Variants in EML5 observed in about 807,000 individuals in gnomAD.
The protein encoded by EML5 is echinoderm microtubule-associated protein-like 5.
EML5 carries 120 observed loss-of-function variants against 250.0 expected under a neutral mutation model. The ratio of observed to expected loss-of-function variants is 0.48; its 90% CI spans 0.41 to 0.56. The LOEUF (loss-of-function observed/expected upper bound fraction) is 0.56. Ranked by LOEUF, EML5 falls within the 20% of genes least tolerant of loss-of-function variation. EML5 has a pLI of 0.00. For missense variants in EML5, 2,006 were observed against 2,437.6 expected (o/e 0.82, Z 3.73); for synonymous variants, 771 against 806.5 (o/e 0.96, Z 0.75).
At chr14:88,752,433 A>C (rs1470919290) in intron 2 of EML5, among the ~76,000 whole-genome samples, 1 of 152,232 alleles carries the variant, frequency 6.6e-6, no homozygotes, top group African/African-American at 2.4e-5. Flanking sequence ...AAATTCTGAC[A>C]GAACATTAAG....
intron 4 of EML5, among the ~76,000 whole-genome samples, chr14:88,742,392 G>T (rs1350875381): frequency 6.6e-6 from 1 of 151,958 alleles, no homozygotes; most frequent in Non-Finnish European, 1.5e-5. Flanking sequence ...TGTATGGTTG[G>T]ACAGTGCAGT....
In EML5 at chr14:88,618,858, T is replaced by C. The variant is rs530416772; in HGVS notation, c.5376-46A>G. 1.1e-5 allele frequency: 16 copies of C among 1,502,326 alleles called. No individual in the cohort carries two copies. In the African/African-American group the frequency reaches 2.1e-4, roughly 20 times the overall value. 93.1% of individuals were successfully genotyped at this position (1,502,326 alleles called of 1,614,324 possible). On this transcript the variant is annotated intron_variant, in intron 39 of 43. Transcript: ENST00000554922. ...AAAAGTATTAGACCACATGAAGTAT[T>C]ATAAATACTTAAGATCAGTGACTTT...
At chr14:88,663,322 G>T (rs757939159) in intron 23 of EML5, among the ~76,000 whole-genome samples, 15 of 152,036 alleles carry the variant, frequency 9.9e-5, no homozygotes, top group South Asian at 8.3e-4. Context: ...TTTGATTTTT[G>T]TATATGTATA....
In EML5 at chr14:88,746,182, T is replaced by C. The variant is rs1213522058; in HGVS notation, c.456+3A>G. ...ATTAGAAATCTCAAAAGAGAATACT[T>C]ACTCTATCTGTATGACCAGGAGCCA... is the stretch of plus-strand genomic sequence containing the variant. On this transcript the variant is annotated splice_donor_region_variant and intron_variant, in intron 3 of 43. Coordinates refer to ENST00000554922, the MANE Select transcript of EML5 (RefSeq NM_183387.3). 2 of 1,608,420 alleles carry C rather than the reference T, an allele frequency of 1.2e-6. No homozygotes were observed. The highest frequency in any genetic ancestry group is 3.3e-5 in the Admixed American group (2 of 59,782).
intron 8 of EML5, among the ~76,000 whole-genome samples, chr14:88,721,541 T>C (rs2093589447): frequency 6.6e-6 from 1 of 152,150 alleles, no homozygotes; most frequent in African/African-American, 2.4e-5. Context: ...CAATAAATGG[T>C]GCTGGGAAAA....
chr14:88,626,721 G>A (rs17798544), intron 35 of EML5, 117 bp downstream of exon 35: 17,742 of 983,942 alleles, frequency 0.018, 265 homozygotes, highest in South Asian at 0.055. Flanking sequence ...CTTGACCAGG[G>A]CATGTAATGA....
At chr14:88,651,258 A>T (rs1214025240) in intron 27 of EML5, among the ~76,000 whole-genome samples, 1 of 151,266 alleles carries the variant, frequency 6.6e-6, no homozygotes, top group Non-Finnish European at 1.5e-5. Flanking sequence ...TCATTTTCAA[A>T]ATATTTAGCA....
chr14:88,644,412 T>A (rs769312604), intron 30 of EML5, 21 bp downstream of exon 30: 1 of 1,610,440 alleles, frequency 6.2e-7, no homozygotes, highest in African/African-American at 1.3e-5. Context: ...TCAGTAACAC[T>A]GGAGAGTGAG....
intron 41 of EML5, 123 bp from the exon 42 acceptor site, chr14:88,617,002 A>AATTATGGT: frequency 1.2e-6 from 1 of 849,480 alleles, no homozygotes; most frequent in Non-Finnish European, 1.8e-6. Flanking sequence ...ACAGGAAGTA[A>AATTATGGT]ATTATGGTAA....
Position 88,792,873 on chromosome 14 carries a change from C to A in EML5, c.-370G>T. On this transcript the variant is annotated 5_prime_UTR_variant, in exon 1 of 44. In the 5' UTR this introduces an upstream ATG that the reference lacks. Transcript: ENST00000554922. The surrounding 1 kb of genome is among the most constrained non-coding windows in gnomAD (Gnocchi z 6.9). ...GCACGCAGCTCCCAGCCCCGGTCAC[C>A]TGCGGCGCTCGCGCCCCGCCGCGGC... 2.6e-6 allele frequency: 1 copy of A among 386,080 alleles called. No individual in the cohort carries two copies. The highest frequency in any genetic ancestry group is 3.5e-6 in the Non-Finnish European group (1 of 281,876). 23.9% of individuals were successfully genotyped at this position (386,080 alleles called of 1,614,324 possible). A position where few individuals can be genotyped will look rare whatever the true frequency, so the allele number is the denominator to read the frequency against.
At chr14:88,665,725 A>G (rs2092288545) in intron 21 of EML5, among the ~76,000 whole-genome samples, 1 of 152,126 alleles carries the variant, frequency 6.6e-6, no homozygotes, top group Non-Finnish European at 1.5e-5. Context: ...GGAAGAGAGA[A>G]GAGGGAAGGG....
At chr14:88,725,948 G>A (rs190073367) in intron 8 of EML5, among the ~76,000 whole-genome samples, 4 of 152,268 alleles carry the variant, frequency 2.6e-5, no homozygotes, top group Non-Finnish European at 4.4e-5. Context: ...GGATCTTACC[G>A]TTCACTGAGG....
Position 88,612,530 on chromosome 14 carries a change from C to T in EML5, c.*3288G>A, listed in dbSNP as rs1310978570. 6.6e-6 allele frequency: 1 copy of T among 152,454 alleles called. No individual in the cohort carries two copies. Among genetic ancestry groups the T allele is most frequent in the Non-Finnish European group, 1.5e-5 (1 of 68,028 alleles). 9.4% of individuals were successfully genotyped at this position (152,454 alleles called of 1,614,324 possible). A position where few individuals can be genotyped will look rare whatever the true frequency, so the allele number is the denominator to read the frequency against. On this transcript the variant is annotated 3_prime_UTR_variant, in exon 44 of 44. Coordinates refer to ENST00000554922, the MANE Select transcript of EML5 (RefSeq NM_183387.3). ...ATACAAATTTTTTTACAAGTATTTACATACTGTATCTGAAAACAGACTTTA... is the reference window on the plus strand; with the variant it reads ...ATACAAATTTTTTTACAAGTATTTATATACTGTATCTGAAAACAGACTTTA...
intron 39 of EML5, 47 bp from the exon 40 acceptor site, chr14:88,618,859 A>G: frequency 6.7e-7 from 1 of 1,497,702 alleles, no homozygotes; most frequent in Non-Finnish European, 8.9e-7. Flanking sequence ...ATGAAGTATT[A>G]TAAATACTTA....
At chr14:88,689,406 G>A (rs1359281431) in intron 17 of EML5, among the ~76,000 whole-genome samples, 2 of 152,138 alleles carry the variant, frequency 1.3e-5, no homozygotes, top group Non-Finnish European at 2.9e-5. Context: ...TCACACTAGG[G>A]AATACGAAAT....
chr14:88,732,669 T>C (rs900359064), intron 7 of EML5, among the ~76,000 whole-genome samples: 2 of 152,072 alleles, frequency 1.3e-5, no homozygotes, highest in Non-Finnish European at 2.9e-5. Context: ...CCATTTTCAG[T>C]TCTGTGAATT....
In EML5 at chr14:88,706,368, T is replaced by C. The variant is rs191835741; in HGVS notation, c.1716A>G (p.Ser572=). 1.2e-6 allele frequency: 2 copies of C among 1,609,876 alleles called. No homozygotes were observed. The highest frequency in any genetic ancestry group is 4.5e-5 in the East Asian group (2 of 44,710). ...TAGAAATAACCCACTGATAATCATG[T>C]GACCATCTGACATTAGTTACGTGAG... is the stretch of plus-strand genomic sequence containing the variant. The part of the protein sequence containing the change: ...HSAHVTNVRW[S]HDYQWVISIG... Residue 572 remains serine, a synonymous_variant, in exon 11 of 44, where the codon TCA becomes TCG. Coordinates refer to ENST00000554922, the MANE Select transcript of EML5 (RefSeq NM_183387.3).
intron 1 of EML5, among the ~76,000 whole-genome samples, chr14:88,788,041 A>G (rs2094568785): frequency 6.6e-6 from 1 of 152,198 alleles, no homozygotes; most frequent in South Asian, 2.1e-4. Flanking sequence ...AAACTGGTGA[A>G]AAGCTCTTCA....
intron 7 of EML5, among the ~76,000 whole-genome samples, chr14:88,729,827 C>T (rs904709026): frequency 1.3e-5 from 2 of 151,176 alleles, no homozygotes; most frequent in African/African-American, 4.9e-5. Flanking sequence ...TCCCAAAGTA[C>T]TGGGATTACA....
Sources: allele counts gnomAD v4.1 joint callset (sites outside exome capture counted in the v4.1 genomes callset), GRCh38; gene constraint gnomAD v4.1.1; non-coding constraint Gnocchi (gnomAD v3.1); transcripts MANE v1.5; gene names NCBI Gene and HGNC (gene_info 2026-07-23, HGNC 2026-07-21).